Variants in PTPRD observed in about 807,000 individuals in gnomAD.
The protein encoded by PTPRD is receptor-type tyrosine-protein phosphatase delta.
PTPRD carries 34 observed loss-of-function variants against 214.5 expected under a neutral mutation model. The observed-to-expected ratio is 0.16, with a 90% confidence interval of 0.12 to 0.21. PTPRD has a LOEUF of 0.21. Ranked by LOEUF, PTPRD falls within the 10% of genes least tolerant of loss-of-function variation. The pLI is 1.00. For missense variants in PTPRD, 2,545 were observed against 2,398.7 expected, an observed-to-expected ratio of 1.06 and a Z score of -1.27; for synonymous variants, 1,128 against 845.7, an observed-to-expected ratio of 1.33 and a Z score of -5.79.
chr9:8,761,903 C>G (rs1332597464), intron 11 of PTPRD, among the ~76,000 whole-genome samples: 2 of 152,094 alleles, frequency 1.3e-5, no homozygotes, highest in Non-Finnish European at 2.9e-5. Context: ...TCTCTTATCC[C>G]TAGCTTCTCT....
intron 6 of PTPRD, among the ~76,000 whole-genome samples, chr9:9,758,626 G>A (rs1333603316): frequency 6.6e-6 from 1 of 152,056 alleles, no homozygotes; most frequent in East Asian, 1.9e-4. Context: ...CATATGGAAG[G>A]ACTGTGTCCC....
chr9:8,965,627 G>A (rs2099189002), intron 11 of PTPRD, among the ~76,000 whole-genome samples: 1 of 151,972 alleles, frequency 6.6e-6, no homozygotes, highest in African/African-American at 2.4e-5. Context: ...TTTAAAGTAA[G>A]GAAGATTCCT....
At chr9:10,316,198 C>CATATATATAG (rs2096425599) in intron 3 of PTPRD, among the ~76,000 whole-genome samples, 2 of 123,344 alleles carry the variant, frequency 1.6e-5, no homozygotes, top group Non-Finnish European at 3.8e-5. Flanking sequence ...TATATATAGA[C>CATATATATAG]ACACACACAT....
intron 8 of PTPRD, among the ~76,000 whole-genome samples, chr9:9,517,556 C>T (rs1280748249): frequency 6.6e-6 from 1 of 151,986 alleles, no homozygotes; most frequent in Non-Finnish European, 1.5e-5. Context: ...CCTACACCAA[C>T]AGCAGTGAAA....
intron 11 of PTPRD, among the ~76,000 whole-genome samples, chr9:8,812,314 G>T (rs183439945): frequency 6.6e-6 from 1 of 152,202 alleles, no homozygotes; most frequent in East Asian, 1.9e-4. Context: ...TAAAGCATAA[G>T]AATCTATATA....
At chr9:9,307,956 T>C (rs1370369770) in intron 9 of PTPRD, among the ~76,000 whole-genome samples, 1 of 152,138 alleles carries the variant, frequency 6.6e-6, no homozygotes, top group Non-Finnish European at 1.5e-5. Flanking sequence ...CCCCACGCTG[T>C]GTAATAGCAG....
intron 8 of PTPRD, among the ~76,000 whole-genome samples, chr9:9,480,945 C>A (rs1379576031): frequency 6.6e-6 from 1 of 152,134 alleles, no homozygotes; most frequent in African/African-American, 2.4e-5. Context: ...CTACCCACTA[C>A]CTGGGTCAAC....
Position 8,918,960 on chromosome 9 carries a change from C to T in PTPRD, c.-104+99737G>A, listed in dbSNP as rs141993847. Among the ~76,000 whole-genome samples the T allele has an allele frequency of 2.9e-3, 445 of 152,102 alleles. 3 individuals are homozygous for T. The highest frequency in any genetic ancestry group is 9.9e-3 in the African/African-American group (409 of 41,496). On this transcript the variant is annotated intron_variant, in intron 11 of 45. Transcript: ENST00000381196. Reference sequence around the variant, plus strand: ...CAAACCTCAGAACACCTACAAAGTTCGACTGAAAAAGACCACACATCGTAG... The same window carrying T: ...CAAACCTCAGAACACCTACAAAGTTTGACTGAAAAAGACCACACATCGTAG...
intron 9 of PTPRD, among the ~76,000 whole-genome samples, chr9:9,274,383 GGT>G (rs1452631474): frequency 6.6e-6 from 1 of 151,240 alleles, no homozygotes; most frequent in Non-Finnish European, 1.5e-5. Context: ...AATCATTTGT[GGT>G]AAATGTCTGC....
chr9:9,254,817 T>A (rs2099977023), intron 9 of PTPRD, among the ~76,000 whole-genome samples: 1 of 152,088 alleles, frequency 6.6e-6, no homozygotes. Context: ...ATTCAGTTCC[T>A]GGATTTGAAT....
chr9:10,576,334 T>C (rs994012911), intron 2 of PTPRD, among the ~76,000 whole-genome samples: 11 of 152,170 alleles, frequency 7.2e-5, no homozygotes, highest in Admixed American at 5.9e-4. Context: ...GGAAACTTTC[T>C]GTTGCTTTTT....
intron 11 of PTPRD, among the ~76,000 whole-genome samples, chr9:8,740,744 GTTA>G (rs2091713062): frequency 6.7e-6 from 1 of 149,286 alleles, no homozygotes; most frequent in Non-Finnish European, 1.5e-5. Context: ...ATGACAATCA[GTTA>G]GGAAAAACAA....
intron 9 of PTPRD, among the ~76,000 whole-genome samples, chr9:9,331,219 T>C (rs777177883): frequency 5.3e-5 from 8 of 152,124 alleles, no homozygotes; most frequent in Non-Finnish European, 1.0e-4. Context: ...TTCCCCTCTT[T>C]TATAACTTTA....
Position 8,341,247 on chromosome 9 carries a change from G to A in PTPRD, c.4969C>T (p.His1657Tyr), listed in dbSNP as rs1004033535. ...EFKRLASSKA[H>Y]TSRFISANLP... ...TTGGCACTGATAAACCTTGAGGTGT[G>A]AGCTTTTGAGCTGGCTAGACGCTGT... Residue 1657 changes from histidine (H) to tyrosine (Y), a missense_variant, in exon 41 of 46, where the codon CAC becomes TAC. Transcript: ENST00000381196. 1 of 1,609,450 alleles carries A rather than the reference G, an allele frequency of 6.2e-7. No individual in the cohort carries two copies. Among genetic ancestry groups the A allele is most frequent in the Non-Finnish European group, 8.5e-7 (1 of 1,177,942 alleles).
At chr9:8,773,658 C>G (rs2095334937) in intron 11 of PTPRD, among the ~76,000 whole-genome samples, 1 of 152,118 alleles carries the variant, frequency 6.6e-6, no homozygotes, top group South Asian at 2.1e-4. Flanking sequence ...TCATTGAATT[C>G]CCATCATTAA....
Position 10,063,120 on chromosome 9 carries a change from T to G in PTPRD, c.-544-29330A>C, listed in dbSNP as rs139398931. Among the ~76,000 whole-genome samples the G allele has an allele frequency of 4.3e-3, 649 of 152,188 alleles. 7 individuals are homozygous for G. Among genetic ancestry groups the G allele is most frequent in the African/African-American group, 0.014 (599 of 41,554 alleles). The stretch of plus-strand genomic sequence containing the variant: ...TGCTTAATTAGCAGTAGGAATCGAC[T>G]GTACCAAATACAGCAAGTACACTAA... On this transcript the variant is annotated intron_variant, in intron 3 of 45. Coordinates refer to ENST00000381196, the MANE Select transcript of PTPRD (RefSeq NM_002839.4).
At chr9:9,915,557 G>T (rs534367486) in intron 5 of PTPRD, among the ~76,000 whole-genome samples, 11 of 150,662 alleles carry the variant, frequency 7.3e-5, no homozygotes, top group Non-Finnish European at 1.0e-4. Flanking sequence ...GAACCAAACA[G>T]AAGTACTAAA....
intron 12 of PTPRD, among the ~76,000 whole-genome samples, chr9:8,663,722 C>T (rs745834691): frequency 3.0e-4 from 45 of 152,170 alleles, no homozygotes; most frequent in Non-Finnish European, 4.4e-4. Flanking sequence ...AACTCCTGAC[C>T]TCAAATGATC....
intron 11 of PTPRD, among the ~76,000 whole-genome samples, chr9:9,001,268 G>T (rs1318477233): frequency 6.6e-6 from 1 of 152,012 alleles, no homozygotes; most frequent in Non-Finnish European, 1.5e-5. Flanking sequence ...TCCCCTTGGA[G>T]CCTGGGGAAG....
Sources: allele counts gnomAD v4.1 joint callset (sites outside exome capture counted in the v4.1 genomes callset), GRCh38; gene constraint gnomAD v4.1.1; transcripts MANE v1.5; gene names NCBI Gene and HGNC (gene_info 2026-07-23, HGNC 2026-07-21).